Variants in SLC4A4 observed in about 807,000 individuals in gnomAD.
SLC4A4 encodes solute carrier family 4 member 4, also known as electrogenic sodium bicarbonate cotransporter 1.
Under a neutral mutation model 111.5 loss-of-function variants are expected in SLC4A4, and 27 were observed. The observed-to-expected ratio is 0.24, with a 90% CI of 0.18 to 0.33. The LOEUF (loss-of-function observed/expected upper bound fraction) is 0.33. SLC4A4 is among the 10% of genes least tolerant of loss of function. The pLI, the probability that SLC4A4 is intolerant of heterozygous loss-of-function variation, is 1.00. For synonymous variants in SLC4A4, 443 were observed against 463.4 expected, an observed-to-expected ratio of 0.96 and a Z score of 0.57; for missense variants, 909 against 1,315.5, an observed-to-expected ratio of 0.69 and a Z score of 4.78.
At chr4:71,241,457 A>G (rs1720214833) in intron 2 of SLC4A4, among the ~76,000 whole-genome samples, 1 of 152,174 alleles carries the variant, frequency 6.6e-6, no homozygotes, top group South Asian at 2.1e-4. Flanking sequence ...GCTAGAGGAT[A>G]TGATGATCAT....
intron 1 of SLC4A4, among the ~76,000 whole-genome samples, chr4:71,215,325 G>A (rs1181253387): frequency 6.6e-6 from 1 of 152,122 alleles, no homozygotes; most frequent in Non-Finnish European, 1.5e-5. Context: ...CCTGTCCAAG[G>A]TGCAGATGGT....
chr4:71,513,891 T>A (rs1732147080), intron 16 of SLC4A4, among the ~76,000 whole-genome samples: 1 of 152,232 alleles, frequency 6.6e-6, no homozygotes, highest in Admixed American at 6.5e-5. Context: ...GAGATGACTG[T>A]ATGATTTTTG....
Position 71,453,579 on chromosome 4 carries a change from T to C in SLC4A4, c.1407T>C (p.Ala469=). 1 of 1,613,962 alleles carries C rather than the reference T, an allele frequency of 6.2e-7. No homozygotes were observed. The highest frequency in any genetic ancestry group is 1.7e-4 in the Middle Eastern group (1 of 6,054). Residue 469 remains alanine, a synonymous_variant, in exon 12 of 26, where the codon GCT becomes GCC. Transcript: ENST00000264485. ...TTTATGATGCTTTAAATATTCAAGCTCTTTCGGCAATTCTCTTCATTTATC... is the reference window on the plus strand; with the variant it reads ...TTTATGATGCTTTAAATATTCAAGCCCTTTCGGCAATTCTCTTCATTTATC... ...SDFYDALNIQ[A]LSAILFIYLA... is the part of the protein sequence containing the mutation.
chr4:71,436,775 G>A (rs1462373330), intron 7 of SLC4A4, among the ~76,000 whole-genome samples: 1 of 151,942 alleles, frequency 6.6e-6, no homozygotes, highest in Non-Finnish European at 1.5e-5. Flanking sequence ...AATAAATTCT[G>A]ACAAGTTGTC....
At chr4:71,549,038 A>G (rs1735770754) in intron 20 of SLC4A4, among the ~76,000 whole-genome samples, 1 of 151,952 alleles carries the variant, frequency 6.6e-6, no homozygotes, top group African/African-American at 2.4e-5. Flanking sequence ...ATGAGGAAAT[A>G]TGTATCTCAT....
chr4:71,484,101 A>G (rs1026811882), intron 14 of SLC4A4, among the ~76,000 whole-genome samples: 1 of 151,806 alleles, frequency 6.6e-6, no homozygotes, highest in African/African-American at 2.4e-5. Flanking sequence ...AGTTTGCAAA[A>G]ATTTCCTTCC....
intron 7 of SLC4A4, among the ~76,000 whole-genome samples, chr4:71,433,032 T>C (rs1334017336): frequency 1.3e-5 from 2 of 152,132 alleles, no homozygotes; most frequent in African/African-American, 4.8e-5. Context: ...TCTTCTATAA[T>C]TGTTGAATTA....
chr4:71,299,265 G>A (rs1200150744), intron 3 of SLC4A4, among the ~76,000 whole-genome samples: 2 of 152,226 alleles, frequency 1.3e-5, no homozygotes, highest in Non-Finnish European at 2.9e-5. Context: ...AAGGAAATGA[G>A]TAGCACTTTT....
intron 16 of SLC4A4, among the ~76,000 whole-genome samples, chr4:71,506,348 T>C (rs1323735649): frequency 6.6e-6 from 1 of 152,208 alleles, no homozygotes; most frequent in Non-Finnish European, 1.5e-5. Flanking sequence ...TCCATTTTTT[T>C]CTGTCATCTC....
intron 3 of SLC4A4, among the ~76,000 whole-genome samples, chr4:71,317,062 TTGTGTGTGTGTGCG>T (rs1726745006): frequency 1.9e-5 from 2 of 104,796 alleles, no homozygotes; most frequent in Non-Finnish European, 3.9e-5. Flanking sequence ...TGTAACAGGG[TTGTGTGTGTGTGCG>T]TGTGTGTGTG....
rs185802865 is a variant in SLC4A4, at chr4:71,311,848, C to T, written c.254-27522C>T. 2.1e-4 allele frequency among the ~76,000 whole-genome samples: 28 copies of T among 136,218 alleles called. 1 individual carries two copies. Among genetic ancestry groups the T allele is most frequent in the Admixed American group, 2.0e-3 (25 of 12,658 alleles). The allele number at this position is 136,218 out of a possible 152,430, so 89.4% of individuals were successfully genotyped here. On this transcript the variant is annotated intron_variant, in intron 3 of 25. Coordinates refer to ENST00000264485, the MANE Select transcript of SLC4A4 (RefSeq NM_001098484.3). ...ATAACTAAGATCAGAGCAGAACTGCCCTCACTCAGCAATGAGGAGCCTGAG... is the reference window on the plus strand; with the variant it reads ...ATAACTAAGATCAGAGCAGAACTGCTCTCACTCAGCAATGAGGAGCCTGAG...
intron 14 of SLC4A4, chr4:71,473,228 A>T: frequency 1.6e-6 from 1 of 631,520 alleles, no homozygotes; most frequent in Non-Finnish European, 2.8e-6. Flanking sequence ...AAACTGTGGG[A>T]TTTGCAAGGA....
chr4:71,531,229 T>TG (rs1244218873), intron 16 of SLC4A4, among the ~76,000 whole-genome samples: 1 of 152,072 alleles, frequency 6.6e-6, no homozygotes, highest in African/African-American at 2.4e-5. Flanking sequence ...CTTACCAACT[T>TG]GCAAATGGCC....
Position 71,371,456 on chromosome 4 carries a change from C to G in SLC4A4, c.730+14269C>G, listed in dbSNP as rs1292308638. Among the ~76,000 whole-genome samples the G allele has an allele frequency of 2.0e-5, 3 of 151,862 alleles. No homozygotes were observed. The East Asian group carries it at 5.8e-4, about 29-fold the overall frequency. Reference sequence around the variant, plus strand: ...ACGGGTTTTCGCCATGTTGGCCAGGCTGGTTTCGAACTCCTGACCTCAGGT... The same window carrying G: ...ACGGGTTTTCGCCATGTTGGCCAGGGTGGTTTCGAACTCCTGACCTCAGGT... On this transcript the variant is annotated intron_variant, in intron 6 of 25. Coordinates refer to ENST00000264485, the MANE Select transcript of SLC4A4 (RefSeq NM_001098484.3).
chr4:71,260,318 A>G (rs578035288), intron 3 of SLC4A4, among the ~76,000 whole-genome samples: 6 of 152,150 alleles, frequency 3.9e-5, no homozygotes, highest in Non-Finnish European at 7.4e-5. Context: ...TTCTTGGTAC[A>G]TTTGTACTTT....
intron 12 of SLC4A4, among the ~76,000 whole-genome samples, chr4:71,457,576 C>T (rs543306075): frequency 7.9e-5 from 12 of 152,080 alleles, no homozygotes; most frequent in South Asian, 2.1e-4. Context: ...ATAAGCTTTC[C>T]GAAGTCTGAG....
chr4:71,318,293 C>T (rs1055069650), intron 3 of SLC4A4, among the ~76,000 whole-genome samples: 6 of 152,004 alleles, frequency 3.9e-5, no homozygotes, highest in African/African-American at 1.4e-4. Context: ...TTGATTTCAG[C>T]ATGTAAAAGG....
At chr4:71,198,018 A>G (rs1472373431) in intron 1 of SLC4A4, among the ~76,000 whole-genome samples, 1 of 152,234 alleles carries the variant, frequency 6.6e-6, no homozygotes, top group Non-Finnish European at 1.5e-5. Context: ...TTGAACTAAG[A>G]GTTTGAAGTC....
At chr4:71,422,974 G>A (rs1722705866) in intron 7 of SLC4A4, among the ~76,000 whole-genome samples, 2 of 152,268 alleles carry the variant, frequency 1.3e-5, no homozygotes, top group South Asian at 4.2e-4. Context: ...CATAGTGTTG[G>A]AAGTTCTGGC....
Sources: gnomAD v4.1 joint callset for allele counts (sites outside exome capture counted in the v4.1 genomes callset) on GRCh38, gnomAD v4.1.1 for gene constraint, MANE v1.5 for transcripts, NCBI Gene and HGNC (gene_info 2026-07-23, HGNC 2026-07-21) for gene names.